Variants in WDPCP observed in about 807,000 individuals in gnomAD.
WDPCP encodes the protein WD repeat containing planar cell polarity effector.
WDPCP carries 71 observed loss-of-function variants against 93.1 expected under a neutral mutation model. The observed-to-expected ratio is 0.76, with a 90% CI of 0.63 to 0.93. The LOEUF is 0.93. Among genes scored for constraint, WDPCP ranks in the 40% least tolerant of loss-of-function variants. The pLI is 0.00. For missense variants in WDPCP, 844 were observed against 887.4 expected (o/e 0.95, Z 0.62); for synonymous variants, 315 against 315.0 (o/e 1.00, Z 0.00).
chr2:63,618,550 G>A (rs1190625842), intron 3 of WDPCP, among the ~76,000 whole-genome samples: 2 of 152,070 alleles, frequency 1.3e-5, no homozygotes, highest in East Asian at 1.9e-4. Flanking sequence ...ATACCACCAC[G>A]CTGGAACGAT....
chr2:63,286,237 T>C (rs1228599807), intron 13 of WDPCP, among the ~76,000 whole-genome samples: 1 of 152,162 alleles, frequency 6.6e-6, no homozygotes, highest in African/African-American at 2.4e-5. Context: ...TAAGCCATCA[T>C]ATCCCCTGTG....
intron 14 of WDPCP, among the ~76,000 whole-genome samples, chr2:63,235,603 A>G (rs900423513): frequency 3.3e-4 from 50 of 152,150 alleles, no homozygotes; most frequent in Admixed American, 1.6e-3. Flanking sequence ...TCCTCGACAA[A>G]ATTCTAACAC....
At chr2:63,219,592 CTT>C (rs1677645208) in intron 14 of WDPCP, among the ~76,000 whole-genome samples, 1 of 152,110 alleles carries the variant, frequency 6.6e-6, no homozygotes, top group Non-Finnish European at 1.5e-5. Flanking sequence ...ATTGTTAAAA[CTT>C]TGGTTATTTA....
upstream of WDPCP, among the ~76,000 whole-genome samples, chr2:63,831,584 G>A (rs78588439): frequency 0.012 from 1,854 of 152,000 alleles, 17 homozygotes; most frequent in Non-Finnish European, 0.015. Flanking sequence ...CCATACTAGT[G>A]ATATTTGAAT....
intron 12 of WDPCP, among the ~76,000 whole-genome samples, chr2:63,366,700 T>C (rs1690940510): frequency 6.6e-6 from 1 of 152,126 alleles, no homozygotes; most frequent in Non-Finnish European, 1.5e-5. Flanking sequence ...TTATACTCTA[T>C]ACCATACTGC....
chr2:63,528,941 G>A (rs1027463162), intron 1 of WDPCP, among the ~76,000 whole-genome samples: 2 of 152,172 alleles, frequency 1.3e-5, no homozygotes, highest in African/African-American at 4.8e-5. Context: ...TCCCTAGTAA[G>A]TTGGATTCCT....
At chr2:63,381,604 A>C (rs1460804706) in intron 11 of WDPCP, among the ~76,000 whole-genome samples, 1 of 152,154 alleles carries the variant, frequency 6.6e-6, no homozygotes, top group African/African-American at 2.4e-5. Context: ...ATTTTTGATC[A>C]AAGTTTGAAA....
At chr2:63,525,954 C>T (rs1025496213) in intron 1 of WDPCP, among the ~76,000 whole-genome samples, 3 of 152,168 alleles carry the variant, frequency 2.0e-5, no homozygotes, top group Non-Finnish European at 4.4e-5. Context: ...CAGGTTGCAA[C>T]AGCCACACCA....
chr2:63,536,649 C>A (rs1019158131), intron 1 of WDPCP, among the ~76,000 whole-genome samples: 1 of 151,494 alleles, frequency 6.6e-6, no homozygotes, highest in African/African-American at 2.4e-5. Flanking sequence ...CTGTAATATA[C>A]TTTGAAGTGC....
intron 15 of WDPCP, among the ~76,000 whole-genome samples, chr2:63,154,461 G>A (rs1672099929): frequency 6.6e-6 from 1 of 152,068 alleles, no homozygotes; most frequent in Admixed American, 6.6e-5. Flanking sequence ...ATTCATCCAA[G>A]TTGTTAAACG....
intron 2 of WDPCP, chr2:63,752,450 G>T: frequency 1.3e-6 from 1 of 773,008 alleles, no homozygotes; most frequent in Non-Finnish European, 2.3e-6. Flanking sequence ...CTCCATAGTG[G>T]CATAGGTGAC....
chr2:63,388,626 C>T (rs550549540), intron 10 of WDPCP, among the ~76,000 whole-genome samples: 2 of 152,274 alleles, frequency 1.3e-5, no homozygotes, highest in South Asian at 2.1e-4. Context: ...TGTTCAAACC[C>T]ATCACGAGGA....
At chr2:63,362,312 G>T (rs1690546259) in intron 12 of WDPCP, among the ~76,000 whole-genome samples, 1 of 82,070 alleles carries the variant, frequency 1.2e-5, no homozygotes, top group African/African-American at 5.0e-5. Context: ...TAGAAAGGAA[G>T]TGGGTGAGGG....
intron 17 of WDPCP, among the ~76,000 whole-genome samples, chr2:63,127,662 C>CGTAT (rs1491093410): frequency 3.0e-5 from 4 of 131,720 alleles, no homozygotes; most frequent in East Asian, 2.3e-4. Flanking sequence ...TGTGTATGTG[C>CGTAT]ATATATATAT....
intron 2 of WDPCP, among the ~76,000 whole-genome samples, chr2:63,678,255 T>C (rs1212665248): frequency 6.6e-6 from 1 of 152,224 alleles, no homozygotes; most frequent in African/African-American, 2.4e-5. Flanking sequence ...AGTCTCATCC[T>C]AGGCAGGAAG....
At chr2:63,472,560 T>C (rs1450543187) in intron 6 of WDPCP, among the ~76,000 whole-genome samples, 16 of 152,020 alleles carry the variant, frequency 1.1e-4, no homozygotes, top group Non-Finnish European at 7.4e-5. Context: ...AGAATTCCTT[T>C]CCCTTTTTCC....
At chr2:63,827,246 G>T (rs894628475) in intron 1 of WDPCP, among the ~76,000 whole-genome samples, 1 of 152,062 alleles carries the variant, frequency 6.6e-6, no homozygotes, top group African/African-American at 2.4e-5. Context: ...TTCTGACCCT[G>T]TGTCATTGTA....
intron 2 of WDPCP, among the ~76,000 whole-genome samples, chr2:63,721,927 C>T (rs1669421608): frequency 6.6e-6 from 1 of 152,174 alleles, no homozygotes; most frequent in Non-Finnish European, 1.5e-5. Flanking sequence ...GATGGGGTTT[C>T]GCTGTGTTGG....
chr2:63,589,461 G>T, upstream of WDPCP: 3 of 1,412,716 alleles, frequency 2.1e-6, 1 homozygote, highest in South Asian at 3.7e-5. Context: ...AACGGCTTTT[G>T]TCACAGGGAC....
Sources: allele counts gnomAD v4.1 joint callset (sites outside exome capture counted in the v4.1 genomes callset), GRCh38; gene constraint gnomAD v4.1.1; transcripts MANE v1.5; gene names NCBI Gene and HGNC (gene_info 2026-07-23, HGNC 2026-07-21).